The following ANK3 variants were observed in gnomAD, a reference collection of about 807,000 sequenced individuals.
The protein encoded by ANK3 is ankyrin 3.
Under a neutral mutation model 370.9 loss-of-function variants are expected in ANK3, and 57 were observed. That is an observed-to-expected ratio of 0.15 (90% CI 0.12 to 0.19). The LOEUF (loss-of-function observed/expected upper bound fraction) is 0.19, where lower values mean the gene tolerates loss of function less well. Among genes scored for constraint, ANK3 ranks in the 10% least tolerant of loss-of-function variants. The pLI is 1.00. For missense variants in ANK3, 4,439 were observed against 5,302.1 expected, an observed-to-expected ratio of 0.84 and a Z score of 5.06; for synonymous variants, 1,929 against 1,946.3, an observed-to-expected ratio of 0.99 and a Z score of 0.23.
chr10:60,181,173 A>G (rs549757263), intron 18 of ANK3, among the ~76,000 whole-genome samples, 156 bp downstream of exon 18: 12 of 152,336 alleles, frequency 7.9e-5, no homozygotes, highest in African/African-American at 2.9e-4. Flanking sequence ...CGGCAACCGG[A>G]GACTTTAGTG....
intron 1 of ANK3, among the ~76,000 whole-genome samples, chr10:60,633,275 A>G (rs946435901): frequency 6.6e-6 from 1 of 152,238 alleles, no homozygotes; most frequent in Non-Finnish European, 1.5e-5. Context: ...GCATGCAATA[A>G]TTGCACATTA....
chr10:60,676,546 A>G (rs1232812313), intron 1 of ANK3, among the ~76,000 whole-genome samples: 1 of 152,232 alleles, frequency 6.6e-6, no homozygotes, highest in Non-Finnish European at 1.5e-5. Flanking sequence ...ATACTCATCA[A>G]TTATAAAACA....
In ANK3 at chr10:60,266,834, G is replaced by GA. The variant is rs535887812; in HGVS notation, c.514-2815dup. Among the ~76,000 whole-genome samples the GA allele has an allele frequency of 4.9e-4, 75 of 152,220 alleles. 1 individual carries two copies. Among genetic ancestry groups the GA allele is most frequent in the Non-Finnish European group, 8.8e-4 (60 of 67,986 alleles). On this transcript the variant is annotated intron_variant, in intron 5 of 43. Coordinates refer to ENST00000280772, the MANE Select transcript of ANK3 (RefSeq NM_020987.5). Reference sequence around the variant, plus strand: ...AAAGGAAATGTGATAGAGGCTACTGGAAAAAAGGTCCATCCCCTGGTTGCT... The same window carrying GA: ...AAAGGAAATGTGATAGAGGCTACTGGAAAAAAAGGTCCATCCCCTGGTTGCT...
intron 2 of ANK3, among the ~76,000 whole-genome samples, chr10:60,498,328 A>C (rs1416608242): frequency 1.3e-5 from 2 of 152,196 alleles, no homozygotes; most frequent in Non-Finnish European, 1.5e-5. Flanking sequence ...TTTATTGAAG[A>C]GAATACCACA....
chr10:60,076,142 G>A lies in ANK3; in HGVS notation c.4739C>T (p.Pro1580Leu), dbSNP rs1486767966. The change falls in exon 37 of 44, where the codon CCG (proline) becomes CTG (leucine). Residue 1580 changes from proline (P) to leucine (L), a missense_variant. Coordinates refer to ENST00000280772, the MANE Select transcript of ANK3 (RefSeq NM_020987.5). The stretch of plus-strand genomic sequence containing the variant: ...AGATTGTGACACCACAGTTTTTATC[G>A]GCGAAGACATTGTCCGAAAGGATCT... ...PIRSFRTMSS[P>L]IKTVVSQSPY... The A allele has an allele frequency of 1.9e-6, 3 of 1,614,170 alleles. No homozygotes were observed. The highest frequency in any genetic ancestry group is 1.3e-5 in the African/African-American group (1 of 75,044).
At chr10:60,187,746 T>C (rs1378147814) in intron 16 of ANK3, among the ~76,000 whole-genome samples, 3 of 152,178 alleles carry the variant, frequency 2.0e-5, no homozygotes, top group African/African-American at 4.8e-5. Context: ...ATTTGGCCTT[T>C]TGATTTCCTC....
Position 60,118,947 on chromosome 10 carries a change from G to A in ANK3, c.2842-4616C>T, listed in dbSNP as rs1243369213. Among the ~76,000 whole-genome samples the A allele has an allele frequency of 3.3e-5, 5 of 152,122 alleles. No individual in the cohort carries two copies. In the East Asian group the frequency reaches 7.7e-4, roughly 23 times the overall value. On this transcript the variant is annotated intron_variant, in intron 25 of 43. Transcript: ENST00000280772. ...GGACATGGATTCCACATCCCTCTGA[G>A]TCCTTTCTTAACTTCTTTAGTCTTG... is the stretch of plus-strand genomic sequence containing the variant.
intron 1 of ANK3, among the ~76,000 whole-genome samples, chr10:60,663,143 A>G (rs1257238244): frequency 6.6e-6 from 1 of 152,218 alleles, no homozygotes; most frequent in Non-Finnish European, 1.5e-5. Context: ...AAGAACACAC[A>G]TTCCCCCATC....
intron 8 of ANK3, among the ~76,000 whole-genome samples, chr10:60,229,317 T>G (rs2097208363): frequency 6.6e-6 from 1 of 152,200 alleles, no homozygotes; most frequent in South Asian, 2.1e-4. Flanking sequence ...TGTCAACATA[T>G]CTATTTTAGA....
intron 7 of ANK3, among the ~76,000 whole-genome samples, chr10:60,254,008 G>A (rs1204291925): frequency 6.6e-6 from 1 of 151,980 alleles, no homozygotes; most frequent in African/African-American, 2.4e-5. Context: ...TCATCCTATG[G>A]TATCCATGGG....
At position 60,073,050 on chromosome 10, in the gene ANK3, T is replaced by C; in HGVS notation, c.7831A>G (p.Lys2611Glu). The C allele has an allele frequency of 6.2e-7, 1 of 1,614,154 alleles. No homozygotes were observed. The stretch of plus-strand genomic sequence containing the variant: ...TTGCCATTTTTAGGGCGTGCCTTTT[T>C]CTCTGGGGACTGCAGTTCATCATTT... The part of the protein sequence containing the change: ...KLNDELQSPE[K>E]KARPKNGKEY... Residue 2611 changes from lysine to glutamate, a missense_variant, in exon 37 of 44, where the codon AAA (lysine) becomes GAA (glutamate). Transcript: ENST00000280772.
intron 25 of ANK3, among the ~76,000 whole-genome samples, chr10:60,115,384 A>AT (rs1389961288): frequency 6.6e-6 from 1 of 152,180 alleles, no homozygotes; most frequent in Non-Finnish European, 1.5e-5. Flanking sequence ...TGTGTCCACA[A>AT]TTTTTTATAC....
intron 1 of ANK3, among the ~76,000 whole-genome samples, chr10:60,292,576 C>G (rs1190430618): frequency 6.6e-6 from 1 of 152,066 alleles, no homozygotes; most frequent in Non-Finnish European, 1.5e-5. Flanking sequence ...AATAAAATAG[C>G]AGTTAATGGT....
Position 60,413,598 on chromosome 10 carries a change from A to G in ANK3, c.97-133959T>C, listed in dbSNP as rs181247795. 2.6e-5 allele frequency among the ~76,000 whole-genome samples: 4 copies of G among 152,362 alleles called. No individual in the cohort carries two copies. In the East Asian group the frequency reaches 5.8e-4, roughly 22 times the overall value. On this transcript the variant is annotated intron_variant, in intron 2 of 43. Coordinates refer to the ANK3 transcript ENST00000373827. ...CTGGGAAATTCTGCAAAATAAAATA[A>G]GTAATCCTACAGAAGTCTGGGGAAA...
At chr10:60,453,621 C>T (rs1478653530) in intron 2 of ANK3, among the ~76,000 whole-genome samples, 1 of 152,024 alleles carries the variant, frequency 6.6e-6, no homozygotes, top group Non-Finnish European at 1.5e-5. Context: ...AGTTAAACTC[C>T]TCATTACTTT....
chr10:60,422,484 C>A (rs1356858131), intron 2 of ANK3, among the ~76,000 whole-genome samples: 2 of 152,024 alleles, frequency 1.3e-5, no homozygotes, highest in Admixed American at 6.6e-5. Context: ...ATATTAAAAT[C>A]TATGCTTCTA....
chr10:60,099,211 T>C (rs1181683935), intron 28 of ANK3, among the ~76,000 whole-genome samples: 1 of 152,026 alleles, frequency 6.6e-6, no homozygotes, highest in South Asian at 2.1e-4. Context: ...TTTCTCTCTC[T>C]TGGGTATGGG....
At chr10:60,261,462 G>C (rs901707563) in intron 7 of ANK3, among the ~76,000 whole-genome samples, 1 of 152,144 alleles carries the variant, frequency 6.6e-6, no homozygotes, top group Non-Finnish European at 1.5e-5. Context: ...GCCTCACCCA[G>C]GTATTCCAGA....
At chr10:60,482,603 C>T (rs970601607) in intron 2 of ANK3, among the ~76,000 whole-genome samples, 2 of 152,128 alleles carry the variant, frequency 1.3e-5, no homozygotes, top group Admixed American at 6.6e-5. Flanking sequence ...CCTCCCACCT[C>T]ATTCTCTCTA....
Sources: gnomAD v4.1 joint callset for allele counts (sites outside exome capture counted in the v4.1 genomes callset) on GRCh38, gnomAD v4.1.1 for gene constraint, MANE v1.5 for transcripts, NCBI Gene and HGNC (gene_info 2026-07-23, HGNC 2026-07-21) for gene names.